Variants in SV2C observed in about 807,000 individuals in gnomAD.
SV2C encodes the protein solute carrier family 22 member B3.
SV2C carries 49 observed loss-of-function variants against 79.7 expected under a neutral mutation model. The observed-to-expected ratio is 0.61, with a 90% CI of 0.49 to 0.78. SV2C has a LOEUF of 0.78. Among genes scored for constraint, SV2C ranks in the 30% least tolerant of loss-of-function variants. The pLI is 0.00. For missense variants in SV2C, 833 were observed against 912.9 expected (o/e 0.91, Z 1.13); for synonymous variants, 334 against 333.2 (o/e 1.00, Z -0.03).
chr5:76,143,179 C>A (rs1019937557), intron 2 of SV2C, among the ~76,000 whole-genome samples: 4 of 152,106 alleles, frequency 2.6e-5, no homozygotes, highest in African/African-American at 9.7e-5. Flanking sequence ...CAGGTGTGAG[C>A]CACCACGCCT....
At position 76,330,310 on chromosome 5, in the gene SV2C, G is replaced by A. The variant is rs1749139035; in HGVS notation, c.*4763G>A. 6.6e-6 allele frequency: 1 copy of A among 152,068 alleles called. No homozygotes were observed. The highest frequency in any genetic ancestry group is 1.5e-5 in the Non-Finnish European group (1 of 68,026). The allele number at this position is 152,068 out of a possible 1,614,324, so 9.4% of individuals were successfully genotyped here. A position where few individuals can be genotyped will look rare whatever the true frequency, so the allele number is the denominator to read the frequency against. ...TTGAGTTACAAGAATACAGTTTATG[G>A]GTCTGTTTCAGCTCTTACTTAAGGC... On this transcript the variant is annotated 3_prime_UTR_variant, in exon 13 of 13. Coordinates refer to ENST00000502798, the MANE Select transcript of SV2C (RefSeq NM_014979.4).
rs547759146 is a variant in SV2C at position 76,197,756 on chromosome 5, G to C, written c.761+2657G>C. On this transcript the variant is annotated intron_variant, in intron 3 of 12. Transcript: ENST00000502798. ...TAGATATGAGACAGGACTAATTAAG[G>C]CAACGGCTCACACAATTATGGAGGC... 3.7e-4 allele frequency among the ~76,000 whole-genome samples: 14 copies of C among 37,626 alleles called. No individual in the cohort carries two copies. The East Asian group carries it at 0.011, about 29-fold the overall frequency. 24.7% of individuals were successfully genotyped at this position (37,626 alleles called of 152,430 possible). A position where few individuals can be genotyped will look rare whatever the true frequency, so the allele number is the denominator to read the frequency against.
the SV2C span, among the ~76,000 whole-genome samples, chr5:76,042,168 CCTT>C: frequency 6.6e-6 from 1 of 152,116 alleles, no homozygotes; most frequent in Admixed American, 6.5e-5. Flanking sequence ...TCATTCAGGC[CCTT>C]CTTCTTAATA....
In SV2C at chr5:76,285,844, CG is replaced by C; in HGVS notation, c.1115del (p.Gly372ValfsTer9). 1 of 1,614,008 alleles carries C rather than the reference CG, an allele frequency of 6.2e-7. No individual in the cohort carries two copies. Among genetic ancestry groups the C allele is most frequent in the Non-Finnish European group, 8.5e-7 (1 of 1,179,950 alleles). On this transcript the variant is annotated frameshift_variant, in exon 6 of 13. Transcript: ENST00000502798. LOFTEE classifies it high-confidence loss of function. ...KLIHDTNMRARGQPEKVFTVN... is the reference protein window; with the variant it reads ...KLIHDTNMRAXGQPEKVFTVN... ...AATTCATGACACCAACATGAGAGCC[CG>C]GGGTCAGCCTGAGAAGGTCTTCACG...
At chr5:76,132,739 A>C (rs1042469212) in intron 2 of SV2C, among the ~76,000 whole-genome samples, 16 of 152,166 alleles carry the variant, frequency 1.1e-4, no homozygotes, top group Non-Finnish European at 7.4e-5. Flanking sequence ...TTAGTTCTGT[A>C]AAACTCTGAC....
chr5:75,999,773 G>A, the SV2C span, among the ~76,000 whole-genome samples: 145 of 152,118 alleles, frequency 9.5e-4, 1 homozygote, highest in African/African-American at 3.4e-3. Context: ...AGGCTGGGAA[G>A]TCCAAGATCA....
the SV2C span, among the ~76,000 whole-genome samples, chr5:75,857,485 A>G: frequency 3.2e-4 from 48 of 152,228 alleles, no homozygotes; most frequent in African/African-American, 1.1e-3. Flanking sequence ...TTTATATGCA[A>G]TTACCATGTT....
intron 1 of SV2C, among the ~76,000 whole-genome samples, chr5:76,118,962 A>G (rs1748381820): frequency 6.6e-6 from 1 of 152,206 alleles, no homozygotes; most frequent in Non-Finnish European, 1.5e-5. Context: ...CAGCCTGGGC[A>G]ACAAAGCGAG....
chr5:76,026,764 A>C, the SV2C span, among the ~76,000 whole-genome samples: 1 of 152,198 alleles, frequency 6.6e-6, no homozygotes, highest in Non-Finnish European at 1.5e-5. Context: ...GAACAAATAA[A>C]GATGATCCTA....
intron 4 of SV2C, among the ~76,000 whole-genome samples, chr5:76,269,647 A>T (rs1746780097): frequency 6.6e-6 from 1 of 152,198 alleles, no homozygotes; most frequent in Non-Finnish European, 1.5e-5. Context: ...GTGTGAGGAG[A>T]TAGAAAGCCC....
Position 76,209,852 on chromosome 5 carries a change from C to T in SV2C, c.878C>T (p.Ala293Val). The T allele has an allele frequency of 1.2e-6, 2 of 1,614,150 alleles. No homozygotes were observed. The highest frequency in any genetic ancestry group is 1.1e-5 in the South Asian group (1 of 91,062). The change falls in exon 4 of 13, where the codon GCC (alanine) becomes GTC (valine). Residue 293 changes from alanine to valine, a missense_variant. Coordinates refer to ENST00000502798, the MANE Select transcript of SV2C (RefSeq NM_014979.4). Reference protein sequence around the residue: ...CMFWMIGGIYASAMAWAIIPH... With the variant: ...CMFWMIGGIYVSAMAWAIIPH... ...TTCTGGATGATCGGTGGCATCTACGCCTCTGCCATGGCCTGGGCCATCATC... is the reference window on the plus strand; with the variant it reads ...TTCTGGATGATCGGTGGCATCTACGTCTCTGCCATGGCCTGGGCCATCATC...
chr5:75,850,343 G>A, the SV2C span, among the ~76,000 whole-genome samples: 4 of 152,092 alleles, frequency 2.6e-5, no homozygotes, highest in Admixed American at 6.5e-5. Context: ...CACTTCTGAG[G>A]CAAGTTAATT....
chr5:75,855,542 A>G, the SV2C span, among the ~76,000 whole-genome samples: 1 of 152,136 alleles, frequency 6.6e-6, no homozygotes, highest in Non-Finnish European at 1.5e-5. Context: ...TTCCAACAGC[A>G]TGTGCTCACT....
the SV2C span, chr5:75,921,279 C>T: frequency 2.0e-6 from 3 of 1,483,032 alleles, no homozygotes; most frequent in Non-Finnish European, 2.8e-6. Flanking sequence ...AGGTCCTTGC[C>T]ATCCCACTTG....
the SV2C span, among the ~76,000 whole-genome samples, chr5:75,904,004 T>G: frequency 2.0e-5 from 3 of 152,216 alleles, no homozygotes; most frequent in South Asian, 6.2e-4. Flanking sequence ...AAAGGTGTAC[T>G]CATGGCATAA....
intron 4 of SV2C, among the ~76,000 whole-genome samples, chr5:76,226,541 C>T (rs1745252461): frequency 6.6e-6 from 1 of 152,270 alleles, no homozygotes; most frequent in Non-Finnish European, 1.5e-5. Flanking sequence ...ACAATTTACA[C>T]ATGTGGTAAG....
At chr5:75,860,014 C>A in the SV2C span, among the ~76,000 whole-genome samples, 1 of 152,122 alleles carries the variant, frequency 6.6e-6, no homozygotes, top group Non-Finnish European at 1.5e-5. Context: ...TCCCCTAGAC[C>A]CGTCTTTTAA....
intron 1 of SV2C, among the ~76,000 whole-genome samples, chr5:76,084,664 G>C (rs1246118282): frequency 6.7e-6 from 1 of 148,412 alleles, no homozygotes; most frequent in Non-Finnish European, 1.5e-5. Flanking sequence ...ACGTGTGCGA[G>C]TGATGCAAAT....
At chr5:75,857,111 C>A in the SV2C span, among the ~76,000 whole-genome samples, 1 of 152,122 alleles carries the variant, frequency 6.6e-6, no homozygotes, top group Non-Finnish European at 1.5e-5. Context: ...GTGCCTGCCA[C>A]CACGCCTGGC....
Sources: gnomAD v4.1 joint callset for allele counts (sites outside exome capture counted in the v4.1 genomes callset) on GRCh38, gnomAD v4.1.1 for gene constraint, MANE v1.5 for transcripts, NCBI Gene and HGNC (gene_info 2026-07-23, HGNC 2026-07-21) for gene names.